RMDN2: variants seen among roughly 807,000 people sequenced by gnomAD.
RMDN2 encodes regulator of microtubule dynamics protein 2.
In RMDN2, 61 loss-of-function variants were observed where a neutral mutation model predicts 52.8. The observed-to-expected ratio is 1.16, with a 90% CI of 0.94 to 1.43. The LOEUF (loss-of-function observed/expected upper bound fraction) is 1.43. Ranked by LOEUF, RMDN2 falls within the 40% of genes most tolerant of loss-of-function variation. The probability of loss-of-function intolerance (pLI) is 0.00; values close to 1 mark genes in which losing one functional copy is unlikely to be tolerated. For missense variants in RMDN2, 592 were observed against 475.3 expected, an observed-to-expected ratio of 1.25 and a Z score of -2.28; for synonymous variants, 180 against 153.1, an observed-to-expected ratio of 1.18 and a Z score of -1.30.
Position 37,981,274 on chromosome 2 carries a change from A to G in RMDN2, c.731-9A>G. 2 of 1,546,234 alleles carry G rather than the reference A, an allele frequency of 1.3e-6. No individual in the cohort carries two copies. The highest frequency in any genetic ancestry group is 1.1e-5 in the South Asian group (1 of 89,626). ...GAAGGTATTAAGTGTAAGTACTTTT[A>G]TCTTTCAGGAAAAACTTTAAGTGAA... On this transcript the variant is annotated splice_polypyrimidine_tract_variant and intron_variant, in intron 4 of 10. Transcript: ENST00000354545.
chr2:38,008,951 C>T (rs563364961), intron 10 of RMDN2, among the ~76,000 whole-genome samples: 3 of 152,262 alleles, frequency 2.0e-5, no homozygotes, highest in East Asian at 3.9e-4. Context: ...TTTTATTTCT[C>T]CTTCACTTAT....
intron 2 of RMDN2, among the ~76,000 whole-genome samples, chr2:37,934,889 A>AATTACAATATTATATGAAGC (rs575249858): frequency 1.9e-3 from 292 of 152,254 alleles, no homozygotes; most frequent in African/African-American, 6.5e-3. Flanking sequence ...CTATTATTTG[A>AATTACAATATTATATGAAGC]ATTACAATAT....
rs539793172 is a variant in RMDN2, at chr2:37,972,703, C to T, written c.453-1337C>T. Among the ~76,000 whole-genome samples, 66 of 152,182 alleles carry T rather than the reference C, an allele frequency of 4.3e-4. 1 individual carries two copies. The South Asian group carries it at 0.013, about 31-fold the overall frequency. On this transcript the variant is annotated intron_variant, in intron 2 of 10. Coordinates refer to ENST00000354545, the MANE Select transcript of RMDN2 (RefSeq NM_001170791.3). ...AGTAATCCAGATGAGATGATGGAGGCTTAGACCAAGGTGGTAGTGGGGAGA... is the reference window on the plus strand; with the variant it reads ...AGTAATCCAGATGAGATGATGGAGGTTTAGACCAAGGTGGTAGTGGGGAGA...
chr2:37,962,076 A>G (rs1418198677), intron 2 of RMDN2, among the ~76,000 whole-genome samples: 1 of 152,184 alleles, frequency 6.6e-6, no homozygotes, highest in Non-Finnish European at 1.5e-5. Context: ...TTTGTCCCAG[A>G]GGGCCACCCA....
At chr2:37,954,037 T>C (rs140786161) in intron 2 of RMDN2, among the ~76,000 whole-genome samples, 54 of 152,130 alleles carry the variant, frequency 3.5e-4, no homozygotes, top group African/African-American at 1.2e-3. Context: ...TCCTTTTTTT[T>C]AAATCAGGTT....
chr2:38,061,706 C>T (rs1445973346), intron 10 of RMDN2, among the ~76,000 whole-genome samples: 1 of 151,894 alleles, frequency 6.6e-6, no homozygotes. Flanking sequence ...TCTCCTGCCA[C>T]CCATCCCACT....
chr2:37,981,000 C>T (rs933805309), intron 4 of RMDN2, among the ~76,000 whole-genome samples: 1 of 152,140 alleles, frequency 6.6e-6, no homozygotes, highest in African/African-American at 2.4e-5. Flanking sequence ...AATTAAATGA[C>T]GTTTCTTGCA....
In RMDN2 at chr2:37,950,259, A is replaced by G; in HGVS notation, c.452+20530A>G. On this transcript the variant is annotated intron_variant, in intron 2 of 10. Transcript: ENST00000354545. ...GTAAAGGATTGTACAGCTGTCATAT[A>G]TGTTATTGTCCTTATCCAGCTGTTT... The G allele has an allele frequency of 6.4e-6, 3 of 470,410 alleles. No individual in the cohort carries two copies. In the Middle Eastern group the frequency reaches 1.8e-3, roughly 278 times the overall value. The allele number at this position is 470,410 out of a possible 1,614,324, so 29.1% of individuals were successfully genotyped here. A position where few individuals can be genotyped will look rare whatever the true frequency, so the allele number is the denominator to read the frequency against.
At chr2:38,001,187 T>C (rs1676272142) in intron 8 of RMDN2, among the ~76,000 whole-genome samples, 1 of 152,216 alleles carries the variant, frequency 6.6e-6, no homozygotes, top group Non-Finnish European at 1.5e-5. Flanking sequence ...CAACAGTGTT[T>C]ATTAAGCACA....
At chr2:38,059,616 C>T (rs902502517) in intron 10 of RMDN2, among the ~76,000 whole-genome samples, 1 of 152,066 alleles carries the variant, frequency 6.6e-6, no homozygotes, top group Non-Finnish European at 1.5e-5. Flanking sequence ...GTAGGCATGT[C>T]GAGGGAGCTT....
downstream of RMDN2, among the ~76,000 whole-genome samples, chr2:38,020,066 C>A (rs1473260799): frequency 2.0e-5 from 3 of 152,090 alleles, no homozygotes; most frequent in Non-Finnish European, 4.4e-5. Flanking sequence ...CAGCAGTGGT[C>A]CCCAACCTTT....
chr2:37,972,030 AT>A (rs1359395500), intron 2 of RMDN2, among the ~76,000 whole-genome samples: 1 of 152,164 alleles, frequency 6.6e-6, no homozygotes, highest in Non-Finnish European at 1.5e-5. Flanking sequence ...ATCTTTTAAT[AT>A]GCTTTTATAA....
chr2:38,014,389 C>T (rs1233491725), intron 10 of RMDN2, among the ~76,000 whole-genome samples: 1 of 152,118 alleles, frequency 6.6e-6, no homozygotes, highest in Non-Finnish European at 1.5e-5. Context: ...TAAGATTTTG[C>T]AATATATGTA....
downstream of RMDN2, among the ~76,000 whole-genome samples, chr2:38,019,316 T>C (rs1679163315): frequency 6.6e-6 from 1 of 152,214 alleles, no homozygotes; most frequent in Admixed American, 6.5e-5. Context: ...GCAGTGGGAT[T>C]TGGGACTCAT....
chr2:37,969,338 C>T (rs994895073), intron 2 of RMDN2, among the ~76,000 whole-genome samples: 4 of 151,786 alleles, frequency 2.6e-5, no homozygotes, highest in African/African-American at 7.2e-5. Flanking sequence ...ATTTTCGTAT[C>T]CATGAATATA....
At chr2:38,041,871 G>T (rs1680976455) in intron 10 of RMDN2, among the ~76,000 whole-genome samples, 1 of 152,004 alleles carries the variant, frequency 6.6e-6, no homozygotes, top group Non-Finnish European at 1.5e-5. Flanking sequence ...TCTTCTTAAG[G>T]ATTATTTTAT....
intron 2 of RMDN2, among the ~76,000 whole-genome samples, chr2:37,956,180 C>T (rs554680202): frequency 6.6e-6 from 1 of 152,216 alleles, no homozygotes; most frequent in East Asian, 1.9e-4. Flanking sequence ...TCAAACGCCA[C>T]CAAATATTTG....
chr2:38,039,213 G>A (rs1239439559), intron 10 of RMDN2: 1 of 151,962 alleles, frequency 6.6e-6, no homozygotes, highest in Admixed American at 6.6e-5. Flanking sequence ...ACTTGGGATT[G>A]TCCTTATTTT....
intron 7 of RMDN2, among the ~76,000 whole-genome samples, chr2:37,993,483 C>G (rs959332381): frequency 4.0e-5 from 6 of 150,786 alleles, no homozygotes; most frequent in African/African-American, 9.8e-5. Flanking sequence ...GTGTGTATGT[C>G]TGTTTCTAAT....
Sources: allele counts gnomAD v4.1 joint callset (sites outside exome capture counted in the v4.1 genomes callset), GRCh38; gene constraint gnomAD v4.1.1; transcripts MANE v1.5; gene names NCBI Gene and HGNC (gene_info 2026-07-23, HGNC 2026-07-21).